The following RSPH14 variants were observed in gnomAD, a reference collection of about 807,000 sequenced individuals.
The protein encoded by RSPH14 is radial spoke head 14 homolog, also known as rhabdoid tumor deletion region gene 1.
A neutral mutation model predicts 26.7 loss-of-function variants in RSPH14; 20 were observed. That is an observed-to-expected ratio of 0.75 (90% CI 0.53 to 1.09). The LOEUF is 1.09. Ranked by LOEUF, RSPH14 falls within the 50% of genes least tolerant of loss-of-function variation. The pLI is 0.00. For synonymous variants in RSPH14, 177 were observed against 189.3 expected (o/e 0.93, Z 0.53); for missense variants, 449 against 457.2 (o/e 0.98, Z 0.16).
the RSPH14 span, chr22:23,161,619 C>T: frequency 1.5e-5 from 22 of 1,460,520 alleles, no homozygotes; most frequent in Admixed American, 9.2e-5. Flanking sequence ...CAGGAATTTC[C>T]GTGACTGTGG....
In RSPH14 at chr22:23,080,429, C is replaced by A. The variant is rs1357361154; in HGVS notation, c.422-16296G>T. On this transcript the variant is annotated intron_variant, in intron 4 of 6. Transcript: ENST00000216036. ...AGGACACTGGGAGGCCCAGCCGGGG[C>A]ATAGCCTGGGGTTGTCTGTAGGATG... Among the ~76,000 whole-genome samples, 3 of 152,214 alleles carry A rather than the reference C, an allele frequency of 2.0e-5. No individual in the cohort carries two copies. The East Asian group carries it at 5.8e-4, about 29-fold the overall frequency.
chr22:23,127,756 T>C (rs559839312), intron 4 of RSPH14, among the ~76,000 whole-genome samples: 2 of 152,136 alleles, frequency 1.3e-5, no homozygotes, highest in African/African-American at 4.8e-5. Flanking sequence ...CTAGCTTAGA[T>C]GCTATGACTC....
intron 4 of RSPH14, among the ~76,000 whole-genome samples, chr22:23,107,669 C>A (rs2069522116): frequency 6.6e-6 from 1 of 152,132 alleles, no homozygotes; most frequent in Non-Finnish European, 1.5e-5. Context: ...CCGGAACCCA[C>A]CAAGGGAGCG....
At chr22:23,148,329 C>T (rs967320460), upstream of RSPH14, among the ~76,000 whole-genome samples, 10 of 152,136 alleles carry the variant, frequency 6.6e-5, no homozygotes, top group African/African-American at 2.4e-4. Flanking sequence ...AGAGACTGGT[C>T]TTTCTTGAGT....
chr22:23,129,456 C>T (rs1167562913), intron 4 of RSPH14, among the ~76,000 whole-genome samples: 1 of 151,238 alleles, frequency 6.6e-6, no homozygotes, highest in Non-Finnish European at 1.5e-5. Flanking sequence ...TGGTGGATGG[C>T]AGAAAAAGAC....
intron 4 of RSPH14, among the ~76,000 whole-genome samples, chr22:23,127,861 T>C (rs1311853467): frequency 3.9e-5 from 6 of 152,178 alleles, no homozygotes; most frequent in Non-Finnish European, 8.8e-5. Context: ...CAGTTCTCCT[T>C]TCCAAGGTCA....
chr22:23,161,055 C>T, the RSPH14 span: 1 of 1,543,330 alleles, frequency 6.5e-7, no homozygotes, highest in Non-Finnish European at 8.8e-7. Flanking sequence ...CTAAAATCCA[C>T]ATGCGCCATC....
intron 4 of RSPH14, among the ~76,000 whole-genome samples, chr22:23,085,914 T>TC (rs1052617292): frequency 6.6e-6 from 1 of 152,214 alleles, no homozygotes; most frequent in African/African-American, 2.4e-5. Context: ...AAGGAGAAAA[T>TC]CCCAGTTTGG....
chr22:23,127,130 C>G (rs2070202525), intron 4 of RSPH14, among the ~76,000 whole-genome samples: 1 of 152,240 alleles, frequency 6.6e-6, no homozygotes, highest in African/African-American at 2.4e-5. Context: ...CAGGCCCTGG[C>G]ACCCTACTTC....
chr22:23,132,867 G>T (rs1377542196), intron 4 of RSPH14: 1 of 151,980 alleles, frequency 6.6e-6, no homozygotes, highest in East Asian at 1.9e-4. Flanking sequence ...TAGGCAATCT[G>T]GTGGTCCCCC....
intron 4 of RSPH14, among the ~76,000 whole-genome samples, chr22:23,113,189 T>G (rs962048058): frequency 5.9e-5 from 9 of 152,210 alleles, no homozygotes; most frequent in African/African-American, 2.2e-4. Flanking sequence ...CTGAGTGTTC[T>G]GACGTTGGCT....
the RSPH14 span, among the ~76,000 whole-genome samples, chr22:23,166,147 T>TAAA: frequency 2.1e-3 from 125 of 59,884 alleles, 3 homozygotes; most frequent in South Asian, 0.013. Context: ...CTCTGTCTTT[T>TAAA]AAAAAAAAAA....
the RSPH14 span, among the ~76,000 whole-genome samples, chr22:23,160,648 T>G: frequency 0.51 from 77,783 of 151,796 alleles, 20,077 homozygotes; most frequent in East Asian, 0.65. Context: ...GGGTGGGAGT[T>G]GGGAGGCTGG....
intron 4 of RSPH14, among the ~76,000 whole-genome samples, chr22:23,110,344 A>C: frequency 6.6e-6 from 1 of 152,134 alleles, no homozygotes. Context: ...CCCCCACACA[A>C]GAGGAAGTCC....
chr22:23,072,841 C>T lies in RSPH14; in HGVS notation c.422-8708G>A, dbSNP rs2068413205. 2.6e-5 allele frequency among the ~76,000 whole-genome samples: 4 copies of T among 152,172 alleles called. No individual in the cohort carries two copies. The South Asian group carries it at 8.3e-4, about 32-fold the overall frequency. On this transcript the variant is annotated intron_variant, in intron 4 of 6. Coordinates refer to ENST00000216036, the MANE Select transcript of RSPH14 (RefSeq NM_014433.3). ...GGAGGAACCTCAGAGACCTGGAGGC[C>T]CCACCAGAGTGGCCAGAACCTGGTG...
At chr22:23,158,212 C>T in the RSPH14 span, among the ~76,000 whole-genome samples, 2 of 152,218 alleles carry the variant, frequency 1.3e-5, no homozygotes, top group East Asian at 3.8e-4. Flanking sequence ...CTGCCTTTAT[C>T]GCTTGAGATT....
At chr22:23,081,933 G>C (rs2068690777) in intron 4 of RSPH14, among the ~76,000 whole-genome samples, 1 of 151,224 alleles carries the variant, frequency 6.6e-6, no homozygotes. Context: ...AGACCATCCT[G>C]GCTAACACAG....
rs373167455 is a variant in RSPH14, at chr22:23,125,902, G to A, written c.421+8124C>T. ...AGGACCTCAAGCAAAGTGGGGGGTC[G>A]GCAGGCACACACACGCATGCATGCA... On this transcript the variant is annotated intron_variant, in intron 4 of 6. Transcript: ENST00000216036. 8.1e-4 allele frequency among the ~76,000 whole-genome samples: 123 copies of A among 151,972 alleles called. 2 individuals are homozygous for A. The South Asian group carries it at 0.022, about 27-fold the overall frequency.
chr22:23,151,150 T>C, the RSPH14 span, among the ~76,000 whole-genome samples: 1 of 152,178 alleles, frequency 6.6e-6, no homozygotes, highest in Non-Finnish European at 1.5e-5. Flanking sequence ...GTTCCCAAAC[T>C]GCACAGAGTG....
Sources: gnomAD v4.1 joint callset for allele counts (sites outside exome capture counted in the v4.1 genomes callset) on GRCh38, gnomAD v4.1.1 for gene constraint, MANE v1.5 for transcripts, NCBI Gene and HGNC (gene_info 2026-07-23, HGNC 2026-07-21) for gene names.